CADM2: variants seen among roughly 807,000 people sequenced by gnomAD.
The protein encoded by CADM2 is cell adhesion molecule 2, also known as immunoglobulin superfamily member 4D.
Under a neutral mutation model 49.8 loss-of-function variants are expected in CADM2, and 12 were observed. The observed-to-expected ratio is 0.24, with a 90% CI of 0.15 to 0.39. The LOEUF (loss-of-function observed/expected upper bound fraction) is 0.39, where lower values mean the gene tolerates loss of function less well. Among genes scored for constraint, CADM2 ranks in the 10% least tolerant of loss-of-function variants. The pLI is 1.00. For synonymous variants in CADM2, 214 were observed against 175.4 expected (o/e 1.22, Z -1.74); for missense variants, 378 against 492.3 (o/e 0.77, Z 2.20).
At chr3:84,998,430 C>T (rs1379643871) in intron 1 of CADM2, among the ~76,000 whole-genome samples, 1 of 152,044 alleles carries the variant, frequency 6.6e-6, no homozygotes, top group Non-Finnish European at 1.5e-5. Flanking sequence ...CTGAAGTACC[C>T]CTTTTAATGC....
chr3:85,924,118 T>G (rs953517617), intron 6 of CADM2, among the ~76,000 whole-genome samples: 1 of 152,218 alleles, frequency 6.6e-6, no homozygotes, highest in Non-Finnish European at 1.5e-5. Flanking sequence ...ATTTAATGTT[T>G]CCATATCATA....
intron 1 of CADM2, among the ~76,000 whole-genome samples, chr3:85,326,204 T>C (rs191856085): frequency 6.6e-6 from 1 of 152,256 alleles, no homozygotes; most frequent in East Asian, 1.9e-4. Flanking sequence ...AAGTAAACAG[T>C]CTTCATTTCA....
At chr3:85,920,841 G>A (rs932858057) in intron 6 of CADM2, among the ~76,000 whole-genome samples, 1 of 150,714 alleles carries the variant, frequency 6.6e-6, no homozygotes, top group Non-Finnish European at 1.5e-5. Flanking sequence ...TTTGTGAATG[G>A]GAATTCCAAA....
Position 86,065,544 on chromosome 3 carries a change from G to A in CADM2, c.971-61G>A. On this transcript the variant is annotated intron_variant, in intron 8 of 9. Transcript: ENST00000383699. The stretch of plus-strand genomic sequence containing the variant: ...TTTCAAAATAACTCATTCTAATGCA[G>A]TTATGTATTCTGTGACTAAATAACA... 3 of 1,525,848 alleles carry A rather than the reference G, an allele frequency of 2.0e-6. No homozygotes were observed. In the South Asian group the frequency reaches 3.7e-5, roughly 19 times the overall value. 94.5% of individuals were successfully genotyped at this position (1,525,848 alleles called of 1,614,324 possible). A position where few individuals can be genotyped will look rare whatever the true frequency, so the allele number is the denominator to read the frequency against.
intron 3 of CADM2, among the ~76,000 whole-genome samples, chr3:85,863,801 A>T (rs1325757686): frequency 1.3e-5 from 2 of 152,230 alleles, no homozygotes; most frequent in Non-Finnish European, 2.9e-5. Context: ...TGCTCAATGG[A>T]TCATGAAATC....
chr3:86,040,118 C>A (rs544322900), intron 8 of CADM2, among the ~76,000 whole-genome samples: 16 of 152,178 alleles, frequency 1.1e-4, no homozygotes, highest in South Asian at 2.1e-4. Flanking sequence ...GTAGAAAAAA[C>A]CACAAAGATG....
At chr3:85,208,081 A>C (rs769240786) in intron 1 of CADM2, among the ~76,000 whole-genome samples, 9 of 152,162 alleles carry the variant, frequency 5.9e-5, no homozygotes, top group Non-Finnish European at 1.0e-4. Context: ...TGATGATGCA[A>C]ATGTCATATG....
At chr3:85,494,677 A>G (rs1477428742) in intron 1 of CADM2, among the ~76,000 whole-genome samples, 1 of 152,206 alleles carries the variant, frequency 6.6e-6, no homozygotes, top group East Asian at 1.9e-4. Flanking sequence ...ATTTCCATTG[A>G]GGACTATATT....
intron 1 of CADM2, among the ~76,000 whole-genome samples, chr3:85,322,801 T>A (rs818216): frequency 0.23 from 34,524 of 152,066 alleles, 6,316 homozygotes; most frequent in African/African-American, 0.51. Flanking sequence ...GGGGGAGTCC[T>A]AATAAGAACA....
intron 1 of CADM2, among the ~76,000 whole-genome samples, chr3:85,489,854 A>C (rs2039595962): frequency 6.6e-6 from 1 of 151,646 alleles, no homozygotes. Context: ...GAGATTATAT[A>C]CTCGAAATTC....
At chr3:85,896,770 G>A (rs530134001) in intron 5 of CADM2, among the ~76,000 whole-genome samples, 67 of 152,192 alleles carry the variant, frequency 4.4e-4, no homozygotes, top group Non-Finnish European at 9.0e-4. Context: ...TTTCAAGTTG[G>A]CAAAATATAG....
At chr3:85,295,754 A>T (rs1241007621) in intron 1 of CADM2, among the ~76,000 whole-genome samples, 1 of 151,988 alleles carries the variant, frequency 6.6e-6, no homozygotes, top group African/African-American at 2.4e-5. Context: ...AGGAAGGGGA[A>T]TATCACACTC....
intron 1 of CADM2, among the ~76,000 whole-genome samples, chr3:85,715,406 A>C (rs1015354233): frequency 1.3e-5 from 2 of 152,238 alleles, no homozygotes; most frequent in African/African-American, 4.8e-5. Context: ...AAAAAGTTCA[A>C]ATTAGGGTAG....
chr3:85,319,813 C>T (rs1237199942), intron 1 of CADM2, among the ~76,000 whole-genome samples: 8 of 152,066 alleles, frequency 5.3e-5, no homozygotes, highest in Admixed American at 2.0e-4. Flanking sequence ...AGAAAAAATA[C>T]CTATTGGGTA....
At chr3:85,341,260 T>C (rs1412506851) in intron 1 of CADM2, among the ~76,000 whole-genome samples, 1 of 151,860 alleles carries the variant, frequency 6.6e-6, no homozygotes, top group East Asian at 1.9e-4. Flanking sequence ...TATCATGGTA[T>C]TGAACTAAAG....
At chr3:85,244,935 T>C (rs1260281622) in intron 1 of CADM2, among the ~76,000 whole-genome samples, 1 of 152,198 alleles carries the variant, frequency 6.6e-6, no homozygotes, top group Non-Finnish European at 1.5e-5. Context: ...GAAAAGATAC[T>C]GGCTATTTCC....
intron 1 of CADM2, among the ~76,000 whole-genome samples, chr3:84,988,279 G>T (rs1262190509): frequency 6.6e-6 from 1 of 152,200 alleles, no homozygotes; most frequent in Non-Finnish European, 1.5e-5. Flanking sequence ...AGCTTCCAAG[G>T]TGCACATTTT....
intron 1 of CADM2, among the ~76,000 whole-genome samples, chr3:85,012,253 C>G (rs999218731): frequency 6.6e-6 from 1 of 150,978 alleles, no homozygotes; most frequent in Non-Finnish European, 1.5e-5. Context: ...AATGGTGTAT[C>G]TCATGCAGTA....
At chr3:85,003,066 G>C (rs111595648) in intron 1 of CADM2, among the ~76,000 whole-genome samples, 2 of 152,142 alleles carry the variant, frequency 1.3e-5, no homozygotes, top group South Asian at 4.1e-4. Context: ...AAAGTGCTGG[G>C]ATTACAGGCA....
Sources: allele counts gnomAD v4.1 joint callset (sites outside exome capture counted in the v4.1 genomes callset), GRCh38; gene constraint gnomAD v4.1.1; transcripts MANE v1.5; gene names NCBI Gene and HGNC (gene_info 2026-07-23, HGNC 2026-07-21).